SOBP: variants seen among roughly 807,000 people sequenced by gnomAD.
SOBP encodes the protein sine oculis binding protein homolog.
SOBP carries 4 observed loss-of-function variants against 53.6 expected under a neutral mutation model. The observed-to-expected ratio is 0.07, with a 90% CI of 0.04 to 0.17. The LOEUF (loss-of-function observed/expected upper bound fraction) is 0.17, where lower values mean the gene tolerates loss of function less well. Ranked by LOEUF, SOBP falls within the 10% of genes least tolerant of loss-of-function variation. The pLI, the probability that SOBP is intolerant of heterozygous loss-of-function variation, is 1.00. For missense variants in SOBP, 1,088 were observed against 1,204.7 expected, an observed-to-expected ratio of 0.90 and a Z score of 1.43; for synonymous variants, 584 against 522.6, an observed-to-expected ratio of 1.12 and a Z score of -1.60.
chr6:107,594,029 G>A (rs989965296), intron 5 of SOBP, among the ~76,000 whole-genome samples: 2 of 152,146 alleles, frequency 1.3e-5, no homozygotes, highest in Non-Finnish European at 2.9e-5. Flanking sequence ...ATAATCTAAA[G>A]TTTCCAAAAA....
chr6:107,617,200 G>T (rs1346727858), intron 5 of SOBP, among the ~76,000 whole-genome samples: 2 of 152,144 alleles, frequency 1.3e-5, no homozygotes, highest in African/African-American at 4.8e-5. Context: ...GCAGTGTGGG[G>T]TTATCTCCAA....
At chr6:107,503,612 G>C (rs1583147934) in intron 1 of SOBP, 45 bp from the exon 2 acceptor site, 2 of 1,606,614 alleles carry the variant, frequency 1.2e-6, no homozygotes, top group East Asian at 4.5e-5. Flanking sequence ...TTTTCAAGTA[G>C]TTATTGATTA....
In SOBP at chr6:107,508,652, T is replaced by G. The variant is rs550013959; in HGVS notation, c.421+2225T>G. Among the ~76,000 whole-genome samples the G allele has an allele frequency of 2.6e-5, 4 of 152,324 alleles. No homozygotes were observed. The East Asian group carries it at 5.8e-4, about 22-fold the overall frequency. On this transcript the variant is annotated intron_variant, in intron 3 of 6. Transcript: ENST00000317357. Reference sequence around the variant, plus strand: ...ATTAAAATCCATTTACCTGTCAAAATCACTTGTAATTGTGTTTGTCTACTA... The same window carrying G: ...ATTAAAATCCATTTACCTGTCAAAAGCACTTGTAATTGTGTTTGTCTACTA...
intron 3 of SOBP, among the ~76,000 whole-genome samples, chr6:107,518,765 TC>T (rs1462467201): frequency 6.8e-6 from 1 of 147,286 alleles, no homozygotes; most frequent in Non-Finnish European, 1.5e-5. Flanking sequence ...TTTTTTTTTT[TC>T]TCAAAAAGAT....
At chr6:107,544,468 C>A (rs368744224) in intron 4 of SOBP, among the ~76,000 whole-genome samples, 1 of 152,156 alleles carries the variant, frequency 6.6e-6, no homozygotes, top group Non-Finnish European at 1.5e-5. Flanking sequence ...AATGTGAAGT[C>A]GTCACTGTGG....
At chr6:107,533,271 CAAA>C (rs762864049) in intron 3 of SOBP, among the ~76,000 whole-genome samples, 185 bp from the exon 4 acceptor site, 14 of 32,810 alleles carry the variant, frequency 4.3e-4, no homozygotes, top group East Asian at 8.0e-4. Flanking sequence ...ACTTAGGAGC[CAAA>C]AAAAAAAAAA....
chr6:107,541,872 C>T (rs1478826988), intron 4 of SOBP, among the ~76,000 whole-genome samples: 1 of 151,784 alleles, frequency 6.6e-6, no homozygotes, highest in Admixed American at 6.6e-5. Context: ...GGGAATTTGC[C>T]CGACAGGAGA....
At chr6:107,516,857 A>G (rs1783335365) in intron 3 of SOBP, among the ~76,000 whole-genome samples, 2 of 152,200 alleles carry the variant, frequency 1.3e-5, no homozygotes. Context: ...TTGCTGAGAG[A>G]AATTAAAGAA....
At position 107,490,537 on chromosome 6, in the gene SOBP, C is replaced by G; in HGVS notation, c.-80C>G. On this transcript the variant is annotated 5_prime_UTR_variant, in exon 1 of 7. Transcript: ENST00000317357. ...AGCCTCGCCACCATCAGCACCACCT[C>G]CACCGCCGCCGCCGCCGCCACCACC... 9.6e-7 allele frequency: 1 copy of G among 1,037,302 alleles called. No homozygotes were observed. The highest frequency in any genetic ancestry group is 1.4e-5 in the South Asian group (1 of 74,028). The allele number at this position is 1,037,302 out of a possible 1,614,324, so 64.3% of individuals were successfully genotyped here.
chr6:107,586,240 A>G (rs1370739662), intron 4 of SOBP, among the ~76,000 whole-genome samples: 2 of 152,242 alleles, frequency 1.3e-5, no homozygotes, highest in African/African-American at 4.8e-5. Flanking sequence ...GCCAGGAAAG[A>G]GAGAGCAGTT....
chr6:107,620,549 C>T (rs1235047595), intron 5 of SOBP, among the ~76,000 whole-genome samples: 2 of 152,188 alleles, frequency 1.3e-5, no homozygotes, highest in Non-Finnish European at 2.9e-5. Flanking sequence ...ACAGCAGACA[C>T]CAGCATCTCA....
intron 5 of SOBP, among the ~76,000 whole-genome samples, chr6:107,628,287 C>T (rs1426021527): frequency 6.6e-6 from 1 of 152,156 alleles, no homozygotes; most frequent in Non-Finnish European, 1.5e-5. Flanking sequence ...GGATGGTGGG[C>T]AGCTGGGATG....
chr6:107,496,997 T>C (rs1466147085), intron 1 of SOBP, among the ~76,000 whole-genome samples: 4 of 152,218 alleles, frequency 2.6e-5, no homozygotes, highest in Non-Finnish European at 5.9e-5. Context: ...AGCTAGAAAC[T>C]GACTTCTAAC....
At chr6:107,597,474 A>G (rs979374370) in intron 5 of SOBP, among the ~76,000 whole-genome samples, 2 of 152,228 alleles carry the variant, frequency 1.3e-5, no homozygotes, top group Admixed American at 6.5e-5. Flanking sequence ...GCAGATTTAC[A>G]TATCCCATGT....
chr6:107,599,450 T>G (rs1661113183), intron 5 of SOBP, among the ~76,000 whole-genome samples: 1 of 152,324 alleles, frequency 6.6e-6, no homozygotes, highest in South Asian at 2.1e-4. Context: ...ATTTAGCTTA[T>G]TCTTTACACT....
intron 4 of SOBP, among the ~76,000 whole-genome samples, chr6:107,538,049 A>G (rs756523774): frequency 9.9e-5 from 15 of 152,158 alleles, no homozygotes; most frequent in Non-Finnish European, 2.1e-4. Context: ...ATATTCTGTT[A>G]TTGGCATTTC....
rs764225264 is a variant in SOBP, at chr6:107,633,767, G to A, written c.923G>A (p.Arg308Gln). The change falls in exon 6 of 7, where the codon CGG becomes CAG. Residue 308 changes from arginine (R) to glutamine (Q), a missense_variant. Around this residue, in one of 6 missense-constraint regions of SOBP, gnomAD observed 211 missense variants for 258.9 expected, o/e 0.82. Transcript: ENST00000317357. ...DSWNIPLTDA[R>Q]RKAPSPVATA... is the part of the protein sequence containing the mutation. ...TGGAATATCCCGCTAACAGATGCTC[G>A]GAGGAAGGCCCCCTCCCCGGTGGCT... is the stretch of plus-strand genomic sequence containing the variant. 3 of 1,614,228 alleles carry A rather than the reference G, an allele frequency of 1.9e-6. No individual in the cohort carries two copies. Among genetic ancestry groups the A allele is most frequent in the Non-Finnish European group, 2.5e-6 (3 of 1,180,036 alleles).
intron 1 of SOBP, among the ~76,000 whole-genome samples, chr6:107,493,711 C>T (rs114861525): frequency 2.6e-5 from 4 of 152,316 alleles, no homozygotes; most frequent in African/African-American, 7.2e-5. Flanking sequence ...GAATGAGCAA[C>T]AAACTTGCCT....
intron 4 of SOBP, among the ~76,000 whole-genome samples, chr6:107,544,278 G>T (rs975077515): frequency 6.6e-6 from 1 of 152,192 alleles, no homozygotes; most frequent in Non-Finnish European, 1.5e-5. Context: ...GTGGCCAAAG[G>T]AGTAGAAGTC....
Sources: allele counts gnomAD v4.1 joint callset (sites outside exome capture counted in the v4.1 genomes callset), GRCh38; gene constraint gnomAD v4.1.1; regional missense constraint gnomAD v4.1.1; transcripts MANE v1.5; gene names NCBI Gene and HGNC (gene_info 2026-07-23, HGNC 2026-07-21).